Variants in TMEM108 observed in about 807,000 individuals in gnomAD.
TMEM108 encodes the protein transmembrane protein 108.
In TMEM108, 12 loss-of-function variants were observed where a neutral mutation model predicts 35.1. The ratio of observed to expected loss-of-function variants is 0.34; its 90% CI spans 0.22 to 0.55. The LOEUF (loss-of-function observed/expected upper bound fraction) is 0.55. Among genes scored for constraint, TMEM108 ranks in the 20% least tolerant of loss-of-function variants. The pLI is 0.89. For missense variants in TMEM108, 680 were observed against 753.3 expected (o/e 0.90, Z 1.14); for synonymous variants, 287 against 308.6 (o/e 0.93, Z 0.73).
At chr3:133,371,611 C>T (rs2072673592) in intron 3 of TMEM108, among the ~76,000 whole-genome samples, 1 of 30,398 alleles carries the variant, frequency 3.3e-5, no homozygotes, top group Non-Finnish European at 6.5e-5. Flanking sequence ...GTCACAAACC[C>T]ACAAAAAAAA....
intron 2 of TMEM108, among the ~76,000 whole-genome samples, chr3:133,161,240 T>G (rs930790728): frequency 1.3e-5 from 2 of 152,162 alleles, no homozygotes; most frequent in Non-Finnish European, 2.9e-5. Context: ...CAGTTTCTGC[T>G]TCCTGGAATG....
intron 2 of TMEM108, among the ~76,000 whole-genome samples, chr3:133,108,470 G>A (rs986102760): frequency 1.3e-5 from 2 of 151,470 alleles, no homozygotes; most frequent in African/African-American, 4.8e-5. Flanking sequence ...GGGGTCGTTT[G>A]TTTTTTTCTT....
At chr3:133,106,690 C>T (rs531246324) in intron 2 of TMEM108, among the ~76,000 whole-genome samples, 1 of 152,190 alleles carries the variant, frequency 6.6e-6, no homozygotes, top group African/African-American at 2.4e-5. Flanking sequence ...GGAAAATAGC[C>T]ACCATGTTGT....
intron 2 of TMEM108, among the ~76,000 whole-genome samples, chr3:133,071,808 T>C (rs961111925): frequency 2.6e-5 from 4 of 152,182 alleles, no homozygotes; most frequent in South Asian, 2.1e-4. Flanking sequence ...TCTACTGATA[T>C]TGTTGTTTGA....
At chr3:133,351,568 AGAT>A (rs1427171583) in intron 3 of TMEM108, among the ~76,000 whole-genome samples, 1 of 152,120 alleles carries the variant, frequency 6.6e-6, no homozygotes, top group Non-Finnish European at 1.5e-5. Context: ...AGGGAGGATG[AGAT>A]GATGATACTC....
chr3:133,328,743 G>A (rs1448303796), intron 3 of TMEM108, among the ~76,000 whole-genome samples: 1 of 152,198 alleles, frequency 6.6e-6, no homozygotes, highest in East Asian at 1.9e-4. Flanking sequence ...AACAGTGGAT[G>A]GTGGAACCAC....
intron 2 of TMEM108, among the ~76,000 whole-genome samples, chr3:133,191,790 T>C (rs545169246): frequency 3.5e-4 from 53 of 152,138 alleles, no homozygotes; most frequent in African/African-American, 1.1e-3. Context: ...AGCTAGGAGG[T>C]AGAGGGCAGG....
Position 133,397,145 on chromosome 3 carries a change from G to A in TMEM108, c.*1159G>A, listed in dbSNP as rs964295413. 3.3e-5 allele frequency: 5 copies of A among 152,106 alleles called. No homozygotes were observed. The highest frequency in any genetic ancestry group is 4.8e-5 in the African/African-American group (2 of 41,412). The allele number at this position is 152,106 out of a possible 1,614,324, so 9.4% of individuals were successfully genotyped here. On this transcript the variant is annotated 3_prime_UTR_variant, in exon 6 of 6. Coordinates refer to ENST00000321871, the MANE Select transcript of TMEM108 (RefSeq NM_023943.4). ...TGCTGTGTCCAGCACGGCCAACAAC[G>A]TCAGACCCTCAGAGACGCCCAAGGG...
intron 3 of TMEM108, among the ~76,000 whole-genome samples, chr3:133,295,550 G>C (rs1339051774): frequency 6.6e-6 from 1 of 152,184 alleles, no homozygotes; most frequent in Non-Finnish European, 1.5e-5. Flanking sequence ...TTGTTATCTA[G>C]AAAGGCCCTC....
chr3:133,161,194 A>G (rs1276608702), intron 2 of TMEM108, among the ~76,000 whole-genome samples: 1 of 152,168 alleles, frequency 6.6e-6, no homozygotes, highest in African/African-American at 2.4e-5. Flanking sequence ...TTCTGTTTTA[A>G]CACTTCAAGT....
intron 2 of TMEM108, among the ~76,000 whole-genome samples, chr3:133,172,330 A>G (rs928463302): frequency 4.6e-5 from 7 of 152,242 alleles, no homozygotes; most frequent in Admixed American, 2.6e-4. Flanking sequence ...CAAGGCTAAT[A>G]TTTATGAAGT....
At position 133,040,871 on chromosome 3, in the gene TMEM108, G is replaced by T. The variant is rs142191976; in HGVS notation, c.-166+2436G>T. 2.1e-3 allele frequency among the ~76,000 whole-genome samples: 327 copies of T among 152,300 alleles called. 2 individuals carry two copies. The highest frequency in any genetic ancestry group is 7.3e-3 in the African/African-American group (303 of 41,556). Reference sequence around the variant, plus strand: ...TGTCGTTTCTGTCCCCTGGGTCAGGGACGGGGAACATAGAGAGTGAATGAG... The same window carrying T: ...TGTCGTTTCTGTCCCCTGGGTCAGGTACGGGGAACATAGAGAGTGAATGAG... On this transcript the variant is annotated intron_variant, in intron 1 of 5. Transcript: ENST00000321871.
intron 3 of TMEM108, among the ~76,000 whole-genome samples, chr3:133,365,483 A>C (rs993531254): frequency 2.0e-5 from 3 of 152,174 alleles, no homozygotes; most frequent in African/African-American, 4.8e-5. Flanking sequence ...TGGGTTTGTT[A>C]AGAGCTATGG....
intron 3 of TMEM108, among the ~76,000 whole-genome samples, chr3:133,258,227 C>T (rs951810439): frequency 6.6e-6 from 1 of 152,190 alleles, no homozygotes; most frequent in Admixed American, 6.5e-5. Flanking sequence ...TATGAACCAG[C>T]CAGCGGGCCC....
At chr3:133,168,249 C>T (rs1033108403) in intron 2 of TMEM108, among the ~76,000 whole-genome samples, 3 of 152,172 alleles carry the variant, frequency 2.0e-5, no homozygotes, top group Non-Finnish European at 4.4e-5. Context: ...TTTTGGTTTA[C>T]ACACTGTAAC....
At chr3:133,288,657 A>G (rs190935309) in intron 3 of TMEM108, among the ~76,000 whole-genome samples, 1 of 152,340 alleles carries the variant, frequency 6.6e-6, no homozygotes, top group East Asian at 1.9e-4. Flanking sequence ...GTGTTTATAT[A>G]TAATACCTAA....
intron 2 of TMEM108, among the ~76,000 whole-genome samples, chr3:133,170,834 G>T (rs1022329610): frequency 1.3e-5 from 2 of 152,068 alleles, no homozygotes; most frequent in African/African-American, 4.8e-5. Context: ...AATTGTGGAG[G>T]TTTAATTTTT....
chr3:133,371,036 G>GTT (rs2072652911), intron 3 of TMEM108, among the ~76,000 whole-genome samples: 1 of 152,024 alleles, frequency 6.6e-6, no homozygotes, highest in Non-Finnish European at 1.5e-5. Flanking sequence ...GCATTGAGAT[G>GTT]TTTCCCTTCT....
intron 2 of TMEM108, among the ~76,000 whole-genome samples, chr3:133,077,654 A>C (rs6806745): frequency 0.49 from 74,140 of 152,024 alleles, 18,659 homozygotes; most frequent in African/African-American, 0.61. Flanking sequence ...AGAAGGCAGA[A>C]ATGAAAGCAC....
Sources: gnomAD v4.1 joint callset for allele counts (sites outside exome capture counted in the v4.1 genomes callset) on GRCh38, gnomAD v4.1.1 for gene constraint, MANE v1.5 for transcripts, NCBI Gene and HGNC (gene_info 2026-07-23, HGNC 2026-07-21) for gene names.